TSFM: variants seen among roughly 807,000 people sequenced by gnomAD.
TSFM encodes Ts translation elongation factor, mitochondrial, also known as elongation factor Ts, mitochondrial.
In TSFM, 29 loss-of-function variants were observed where a neutral mutation model predicts 33.4. The observed-to-expected ratio is 0.87, with a 90% CI of 0.65 to 1.18. TSFM has a LOEUF of 1.18. Ranked by LOEUF, TSFM falls within the 50% of genes most tolerant of loss-of-function variation. TSFM has a pLI of 0.00. For missense variants in TSFM, 394 were observed against 395.6 expected, an observed-to-expected ratio of 1.00 and a Z score of 0.04; for synonymous variants, 178 against 163.5, an observed-to-expected ratio of 1.09 and a Z score of -0.68.
At chr12:57,799,774 A>G, downstream of TSFM, 3 of 1,613,438 alleles carry the variant, frequency 1.9e-6, no homozygotes, top group Non-Finnish European at 2.5e-6. Context: ...TCCAACAGAC[A>G]CAGTTCCTTC....
rs1227430970 is a variant in TSFM at position 57,782,878 on chromosome 12, G to A, written c.57+20G>A. The A allele has an allele frequency of 1.9e-6, 3 of 1,583,806 alleles. No homozygotes were observed. The highest frequency in any genetic ancestry group is 2.6e-6 in the Non-Finnish European group (3 of 1,165,704). On this transcript the variant is annotated intron_variant, in intron 1 of 5. Transcript: ENST00000652027. ...TACCCGGTGAGAAGTCCTGGTGCTG[G>A]TACCGACCTGCTGTCCCTGCAGCTC...
intron 4 of TSFM, among the ~76,000 whole-genome samples, chr12:57,790,065 T>TC (rs1595141311): frequency 1.4e-5 from 2 of 144,032 alleles, no homozygotes; most frequent in East Asian, 2.0e-4. Context: ...TCTTTCTTTT[T>TC]TTTTTTTTTT....
At position 57,783,174 on chromosome 12, in the gene TSFM, C is replaced by T. The variant is rs1410403452; in HGVS notation, c.122C>T (p.Ser41Phe). 8.7e-6 allele frequency: 14 copies of T among 1,613,472 alleles called. No individual in the cohort carries two copies. The highest frequency in any genetic ancestry group is 1.2e-5 in the Non-Finnish European group (14 of 1,179,906). ...RHTFYAGPRLSASASSKELLM... is the reference protein window; with the variant it reads ...RHTFYAGPRLFASASSKELLM... Reference sequence around the variant, plus strand: ...ACATTTTATGCTGGGCCCCGTCTGTCTGCCTCGGCCTCCAGCAAGGAGCTC... The same window carrying T: ...ACATTTTATGCTGGGCCCCGTCTGTTTGCCTCGGCCTCCAGCAAGGAGCTC... Residue 41 changes from serine to phenylalanine, a missense_variant, in exon 2 of 6, where the codon TCT (serine) becomes TTT (phenylalanine). Physicochemically the swap from Ser to Phe is radical, Grantham distance 155 (BLOSUM62 -2). Coordinates refer to ENST00000652027, the MANE Select transcript of TSFM (RefSeq NM_005726.6).
In TSFM at chr12:57,797,575, T is replaced by G. The variant is rs976261154; in HGVS notation, c.*992T>G. On this transcript the variant is annotated 3_prime_UTR_variant, in exon 6 of 6. Coordinates refer to ENST00000652027, the MANE Select transcript of TSFM (RefSeq NM_005726.6). ...TATTAAACATAAAGTTATTAAACAT[T>G]TTAAGCATTGTTTTTTGGTTCTCTT... The G allele has an allele frequency of 1.1e-6, 1 of 917,350 alleles. No individual in the cohort carries two copies. The allele number at this position is 917,350 out of a possible 1,614,324, so 56.8% of individuals were successfully genotyped here. A position where few individuals can be genotyped will look rare whatever the true frequency, so the allele number is the denominator to read the frequency against.
rs976261154 is a variant in TSFM, at chr12:57,797,575, T to C, written c.*992T>C. Reference sequence around the variant, plus strand: ...TATTAAACATAAAGTTATTAAACATTTTAAGCATTGTTTTTTGGTTCTCTT... The same window carrying C: ...TATTAAACATAAAGTTATTAAACATCTTAAGCATTGTTTTTTGGTTCTCTT... On this transcript the variant is annotated 3_prime_UTR_variant, in exon 6 of 6. Transcript: ENST00000652027. 45 of 917,468 alleles carry C rather than the reference T, an allele frequency of 4.9e-5. No individual in the cohort carries two copies. The highest frequency in any genetic ancestry group is 6.0e-5 in the Admixed American group (1 of 16,714). 56.8% of individuals were successfully genotyped at this position (917,468 alleles called of 1,614,324 possible).
intron 5 of TSFM, 67 bp downstream of exon 5, chr12:57,793,140 C>T: frequency 7.3e-7 from 1 of 1,367,652 alleles, no homozygotes; most frequent in Non-Finnish European, 1.0e-6. Context: ...CTTGTTCCTC[C>T]AAATCTAGGT....
chr12:57,787,441 C>T (rs943147148), intron 4 of TSFM, among the ~76,000 whole-genome samples: 7 of 152,118 alleles, frequency 4.6e-5, no homozygotes, highest in Admixed American at 3.9e-4. Context: ...GGGAATTTGT[C>T]TTTTCACTGT....
chr12:57,794,622 T>G (rs2140426352), intron 5 of TSFM, among the ~76,000 whole-genome samples: 1 of 152,330 alleles, frequency 6.6e-6, no homozygotes, highest in Non-Finnish European at 1.5e-5. Flanking sequence ...ACCTAATTGC[T>G]TTGGAGTCAG....
downstream of TSFM, chr12:57,802,794 G>C (rs1005823634): frequency 1.7e-6 from 1 of 573,068 alleles, no homozygotes; most frequent in African/African-American, 1.9e-5. Flanking sequence ...CACCAGGGCT[G>C]ACCAACTTTA....
At chr12:57,802,502 T>C, downstream of TSFM, 1 of 909,946 alleles carries the variant, frequency 1.1e-6, no homozygotes, top group East Asian at 2.6e-5. Flanking sequence ...GAGAAAGGTT[T>C]TCCCAGAATC....
At chr12:57,800,085 C>G, downstream of TSFM, 7 of 918,432 alleles carry the variant, frequency 7.6e-6, no homozygotes, top group Non-Finnish European at 9.6e-6. Flanking sequence ...TCAGAATCAT[C>G]TGGGAATAGA....
Position 57,796,238 on chromosome 12 carries a change from C to G in TSFM, c.633C>G (p.Phe211Leu). 6.2e-7 allele frequency: 1 copy of G among 1,612,956 alleles called. No individual in the cohort carries two copies. Among genetic ancestry groups the G allele is most frequent in the South Asian group, 1.1e-5 (1 of 90,914 alleles). Residue 211 changes from phenylalanine to leucine, a missense_variant, in exon 6 of 6, where the codon TTC becomes TTG. Physicochemically the swap from Phe to Leu is conservative, Grantham distance 22. This residue lies in a region of TSFM where 186 missense variants were observed against 198.8 expected (regional missense o/e 0.94). Transcript: ENST00000652027. ...CATGGGTGAAGGTGCCATCTGGGTT[C>G]TACGTTGGCTCTTATGTCCACGGAG... Reference protein sequence around the residue: ...RAAWVKVPSGFYVGSYVHGAM... With the variant: ...RAAWVKVPSGLYVGSYVHGAM...
At position 57,796,858 on chromosome 12, in the gene TSFM, G is replaced by A. The variant is rs962026392; in HGVS notation, c.*275G>A. 12 of 1,086,428 alleles carry A rather than the reference G, an allele frequency of 1.1e-5. No homozygotes were observed. The East Asian group carries it at 1.7e-4, about 15-fold the overall frequency. The allele number at this position is 1,086,428 out of a possible 1,614,324, so 67.3% of individuals were successfully genotyped here. On this transcript the variant is annotated 3_prime_UTR_variant, in exon 6 of 6. Coordinates refer to ENST00000652027, the MANE Select transcript of TSFM (RefSeq NM_005726.6). The stretch of plus-strand genomic sequence containing the variant: ...CTCCCTTCAACATAGATTTATTATG[G>A]TATTTCTGAAATTTCTAACTTATAT...
chr12:57,784,385 A>G (rs1261544510), intron 2 of TSFM, among the ~76,000 whole-genome samples: 2 of 152,208 alleles, frequency 1.3e-5, no homozygotes, highest in South Asian at 2.1e-4. Context: ...CATAAGCTAC[A>G]TTACATTTAT....
chr12:57,783,541 G>C, intron 2 of TSFM: 1 of 664,480 alleles, frequency 1.5e-6, no homozygotes, highest in South Asian at 1.5e-5. Context: ...GTGAGCTTTG[G>C]AGTCAGATTG....
In TSFM at chr12:57,797,510, A is replaced by T. The variant is rs1379001118; in HGVS notation, c.*927A>T. ...ACAGGCTAAATAGATTTTAGAAATA[A>T]TCATCTTAAAATTGAAAACAAAGGT... On this transcript the variant is annotated 3_prime_UTR_variant, in exon 6 of 6. Coordinates refer to ENST00000652027, the MANE Select transcript of TSFM (RefSeq NM_005726.6). 1.0e-5 allele frequency: 10 copies of T among 973,254 alleles called. No individual in the cohort carries two copies. Among genetic ancestry groups the T allele is most frequent in the Non-Finnish European group, 1.2e-5 (10 of 818,798 alleles). 60.3% of individuals were successfully genotyped at this position (973,254 alleles called of 1,614,324 possible). A position where few individuals can be genotyped will look rare whatever the true frequency, so the allele number is the denominator to read the frequency against.
intron 5 of TSFM, among the ~76,000 whole-genome samples, chr12:57,794,706 G>C (rs1311602793): frequency 2.6e-5 from 4 of 152,204 alleles, no homozygotes; most frequent in Admixed American, 6.5e-5. Flanking sequence ...TAAGCTTATT[G>C]TAATAGTAGC....
intron 4 of TSFM, among the ~76,000 whole-genome samples, chr12:57,790,255 A>G (rs1448484507): frequency 6.6e-6 from 1 of 151,684 alleles, no homozygotes; most frequent in Non-Finnish European, 1.5e-5. Context: ...TTTTCAGTAG[A>G]GACAGGGTTT....
downstream of TSFM, among the ~76,000 whole-genome samples, chr12:57,798,584 T>A (rs1955782510): frequency 6.6e-6 from 1 of 151,932 alleles, no homozygotes; most frequent in African/African-American, 2.4e-5. Context: ...CTAAATCAAC[T>A]TCTTCAAGGG....
Sources: gnomAD v4.1 joint callset for allele counts (sites outside exome capture counted in the v4.1 genomes callset) on GRCh38, gnomAD v4.1.1 for gene constraint, gnomAD v4.1.1 regional missense constraint, MANE v1.5 for transcripts, NCBI Gene and HGNC (gene_info 2026-07-23, HGNC 2026-07-21) for gene names.